ROBO1: variants seen among roughly 807,000 people sequenced by gnomAD.
The protein encoded by ROBO1 is roundabout guidance receptor 1.
A neutral mutation model predicts 195.9 loss-of-function variants in ROBO1; 149 were observed. The ratio of observed to expected loss-of-function variants is 0.76; its 90% CI spans 0.67 to 0.87. The LOEUF (loss-of-function observed/expected upper bound fraction) is 0.87. Among genes scored for constraint, ROBO1 ranks in the 40% least tolerant of loss-of-function variants. The pLI is 0.00. For synonymous variants in ROBO1, 816 were observed against 733.2 expected, an observed-to-expected ratio of 1.11 and a Z score of -1.82; for missense variants, 1,933 against 2,068.3, an observed-to-expected ratio of 0.93 and a Z score of 1.27.
intron 10 of ROBO1, among the ~76,000 whole-genome samples, chr3:78,677,193 C>A (rs1196059676): frequency 6.6e-6 from 1 of 152,160 alleles, no homozygotes; most frequent in African/African-American, 2.4e-5. Flanking sequence ...TGGAAAGGAA[C>A]AACCAGTACC....
chr3:79,714,833 T>C lies in ROBO1; in HGVS notation c.-51+52919A>G, dbSNP rs556089248. ...TGGGCACAGAAAGGGGAACATCACA[T>C]TCTGGGGACTGTTGTGGGGTGGGGG... On this transcript the variant is annotated intron_variant, in intron 1 of 30. Coordinates refer to ENST00000464233, the MANE Select transcript of ROBO1 (RefSeq NM_002941.4). Among the ~76,000 whole-genome samples, 244 of 133,916 alleles carry C rather than the reference T, an allele frequency of 1.8e-3. 1 individual carries two copies. Among genetic ancestry groups the C allele is most frequent in the African/African-American group, 6.8e-3 (226 of 33,106 alleles). 87.9% of individuals were successfully genotyped at this position (133,916 alleles called of 152,430 possible). A position where few individuals can be genotyped will look rare whatever the true frequency, so the allele number is the denominator to read the frequency against.
chr3:79,061,053 G>T (rs2078908106), intron 3 of ROBO1, among the ~76,000 whole-genome samples: 1 of 152,138 alleles, frequency 6.6e-6, no homozygotes. Flanking sequence ...AAAAGAGGAA[G>T]TCAAATTGTC....
chr3:79,291,009 G>A (rs1276762833), intron 2 of ROBO1, among the ~76,000 whole-genome samples: 10 of 152,122 alleles, frequency 6.6e-5, no homozygotes. Context: ...TGCCCTCAGA[G>A]TACTAAAAAA....
intron 4 of ROBO1, among the ~76,000 whole-genome samples, chr3:78,893,474 G>A (rs970044669): frequency 6.6e-6 from 1 of 152,110 alleles, no homozygotes; most frequent in Non-Finnish European, 1.5e-5. Context: ...CTCTTCAACT[G>A]TGAGAAATAA....
chr3:79,064,873 G>T (rs1321797856), intron 3 of ROBO1, among the ~76,000 whole-genome samples: 1 of 151,882 alleles, frequency 6.6e-6, no homozygotes, highest in Non-Finnish European at 1.5e-5. Context: ...AATACATAAG[G>T]TATTTCTCCA....
rs1317768599 is a variant in ROBO1 at position 79,619,991 on chromosome 3, GA to G, written c.-50-30031del. Among the ~76,000 whole-genome samples the G allele has an allele frequency of 2.0e-5, 3 of 152,156 alleles. No individual in the cohort carries two copies. The East Asian group carries it at 5.8e-4, about 29-fold the overall frequency. On this transcript the variant is annotated intron_variant, in intron 1 of 30. Coordinates refer to ENST00000464233, the MANE Select transcript of ROBO1 (RefSeq NM_002941.4). Reference sequence around the variant, plus strand: ...GCAATTCCTTACCTCCACTGTGAGAGAAACCCCAGCCACATCTCCAGCATAC... The same window carrying G: ...GCAATTCCTTACCTCCACTGTGAGAGAACCCCAGCCACATCTCCAGCATAC...
intron 2 of ROBO1, among the ~76,000 whole-genome samples, chr3:79,559,896 G>A (rs1203267805): frequency 6.6e-6 from 1 of 152,076 alleles, no homozygotes; most frequent in African/African-American, 2.4e-5. Context: ...CAGCCTGGGT[G>A]AGAGAGTGAG....
chr3:78,764,870 CA>C (rs1576117815), intron 4 of ROBO1, among the ~76,000 whole-genome samples: 1 of 152,006 alleles, frequency 6.6e-6, no homozygotes, highest in East Asian at 1.9e-4. Flanking sequence ...GTCATCATGA[CA>C]GCTTTAAAAA....
At chr3:78,847,741 A>T (rs546017685) in intron 4 of ROBO1, among the ~76,000 whole-genome samples, 1 of 152,280 alleles carries the variant, frequency 6.6e-6, no homozygotes, top group East Asian at 1.9e-4. Context: ...CTAAAGCCAC[A>T]TAACTTCTTC....
chr3:79,070,962 C>A (rs1258391313), intron 3 of ROBO1, among the ~76,000 whole-genome samples: 1 of 151,534 alleles, frequency 6.6e-6, no homozygotes, highest in Non-Finnish European at 1.5e-5. Flanking sequence ...TTGCATTGTA[C>A]ATTTTACAGT....
At chr3:78,669,293 C>A (rs770892506) in intron 11 of ROBO1, among the ~76,000 whole-genome samples, 4 of 152,194 alleles carry the variant, frequency 2.6e-5, no homozygotes, top group Non-Finnish European at 4.4e-5. Flanking sequence ...CTTGCCCTGG[C>A]AATTGCAGGA....
At chr3:79,477,209 G>C (rs1938588488) in intron 2 of ROBO1, among the ~76,000 whole-genome samples, 1 of 152,000 alleles carries the variant, frequency 6.6e-6, no homozygotes, top group East Asian at 1.9e-4. Context: ...TGGTAATATA[G>C]GCATATCATT....
At chr3:78,963,499 T>G (rs1223907470) in intron 3 of ROBO1, among the ~76,000 whole-genome samples, 1 of 118,114 alleles carries the variant, frequency 8.5e-6, no homozygotes, top group Non-Finnish European at 1.8e-5. Flanking sequence ...CTTCAGTTTT[T>G]TTTTTTTTTT....
intron 1 of ROBO1, among the ~76,000 whole-genome samples, chr3:79,591,246 T>C (rs963528529): frequency 9.9e-5 from 15 of 151,916 alleles, no homozygotes; most frequent in Admixed American, 5.9e-4. Flanking sequence ...GAATAACAAA[T>C]TGAAAAAAAG....
intron 2 of ROBO1, among the ~76,000 whole-genome samples, chr3:79,531,553 G>A (rs1274239210): frequency 6.6e-6 from 1 of 152,166 alleles, no homozygotes; most frequent in African/African-American, 2.4e-5. Flanking sequence ...TTGAGCCTGG[G>A]AGGTGGAGGT....
chr3:79,425,367 A>G (rs571073238), intron 2 of ROBO1, among the ~76,000 whole-genome samples: 1 of 152,272 alleles, frequency 6.6e-6, no homozygotes, highest in East Asian at 1.9e-4. Flanking sequence ...TCAGGTGACA[A>G]TAAGAACAAA....
At chr3:79,260,276 C>T (rs1434610541) in intron 2 of ROBO1, among the ~76,000 whole-genome samples, 1 of 151,814 alleles carries the variant, frequency 6.6e-6, no homozygotes, top group East Asian at 1.9e-4. Context: ...TTAAAATGTG[C>T]TCTGGAAATA....
In ROBO1 at chr3:78,777,968, A is replaced by G. The variant is rs537945659; in HGVS notation, c.500-31068T>C. On this transcript the variant is annotated intron_variant, in intron 4 of 30. Transcript: ENST00000464233. Reference sequence around the variant, plus strand: ...TCCATTCACTATGATATTGGCTGTGAGTTTGTCATAAATAGCTCTTATTAT... The same window carrying G: ...TCCATTCACTATGATATTGGCTGTGGGTTTGTCATAAATAGCTCTTATTAT... 8.5e-5 allele frequency among the ~76,000 whole-genome samples: 13 copies of G among 152,194 alleles called. No individual in the cohort carries two copies. In the South Asian group the frequency reaches 2.7e-3, roughly 32 times the overall value.
intron 4 of ROBO1, among the ~76,000 whole-genome samples, chr3:78,766,008 C>T (rs2083220677): frequency 6.6e-6 from 1 of 152,268 alleles, no homozygotes; most frequent in East Asian, 1.9e-4. Context: ...ATTCATAACT[C>T]ATTTCTGCAG....
Sources: allele counts gnomAD v4.1 joint callset (sites outside exome capture counted in the v4.1 genomes callset), GRCh38; gene constraint gnomAD v4.1.1; transcripts MANE v1.5; gene names NCBI Gene and HGNC (gene_info 2026-07-23, HGNC 2026-07-21).